Variants in PALLD observed in about 807,000 individuals in gnomAD.
PALLD encodes the protein palladin.
A neutral mutation model predicts 123.5 loss-of-function variants in PALLD; 61 were observed. That is an observed-to-expected ratio of 0.49 (90% CI 0.40 to 0.61). The LOEUF (loss-of-function observed/expected upper bound fraction) is 0.61, where lower values mean the gene tolerates loss of function less well. PALLD is among the 20% of genes least tolerant of loss of function. The pLI is 0.00. For missense variants in PALLD, 1,273 were observed against 1,377.0 expected (o/e 0.92, Z 1.20); for synonymous variants, 465 against 496.4 (o/e 0.94, Z 0.84).
chr4:168,611,468 CTCT>C (rs1411315828), intron 2 of PALLD, among the ~76,000 whole-genome samples: 1 of 152,214 alleles, frequency 6.6e-6, no homozygotes, highest in Non-Finnish European at 1.5e-5. Flanking sequence ...GCACCTTCCT[CTCT>C]TCTTCTTGTT....
intron 10 of PALLD, among the ~76,000 whole-genome samples, chr4:168,794,457 C>T (rs563380037): frequency 1.3e-4 from 20 of 150,036 alleles, no homozygotes; most frequent in East Asian, 3.9e-4. Context: ...ATACGCGCAG[C>T]GCACAGACGT....
At chr4:168,853,823 A>G (rs186061740) in intron 10 of PALLD, among the ~76,000 whole-genome samples, 108 of 152,320 alleles carry the variant, frequency 7.1e-4, no homozygotes, top group African/African-American at 2.5e-3. Context: ...AACTGGCTGC[A>G]TGGAAGAGAA....
At chr4:168,503,644 CT>C (rs1171853068) in intron 1 of PALLD, among the ~76,000 whole-genome samples, 1 of 105,268 alleles carries the variant, frequency 9.5e-6, no homozygotes, top group African/African-American at 4.8e-5. Context: ...GAGACTCCAT[CT>C]CAAAAAAAAA....
intron 10 of PALLD, among the ~76,000 whole-genome samples, chr4:168,753,021 A>T (rs1426318005): frequency 6.6e-6 from 1 of 152,192 alleles, no homozygotes; most frequent in Non-Finnish European, 1.5e-5. Flanking sequence ...AACTATATTA[A>T]GAGTACATTT....
Position 168,898,510 on chromosome 4 carries a change from C to T in PALLD, c.2268C>T (p.Ser756=), listed in dbSNP as rs931772731. ...TGATTCAGGAATACAAAGTCTCCAG[C>T]TGTGAACAGAGACTCATCAGTGAAA... is the stretch of plus-strand genomic sequence containing the variant. ...LDGQKEYKVS[S]CEQRLISEIE... Residue 756 remains serine (S), a synonymous_variant, in exon 14 of 22, where the codon AGC becomes AGT. Coordinates refer to ENST00000505667, the MANE Select transcript of PALLD (RefSeq NM_001166108.2). 21 of 1,611,112 alleles carry T rather than the reference C, an allele frequency of 1.3e-5. No individual in the cohort carries two copies. The highest frequency in any genetic ancestry group is 1.5e-5 in the Non-Finnish European group (18 of 1,177,400).
chr4:168,925,139 T>C, intron 20 of PALLD, 61 bp downstream of exon 20: 1 of 1,597,992 alleles, frequency 6.3e-7, no homozygotes, highest in Non-Finnish European at 8.6e-7. Context: ...AAATTAGACA[T>C]CTGGACAGCA....
At position 168,869,303 on chromosome 4, in the gene PALLD, G is replaced by C. The variant is rs919897710; in HGVS notation, c.1965-21619G>C. Among the ~76,000 whole-genome samples the C allele has an allele frequency of 1.3e-4, 20 of 152,140 alleles. No individual in the cohort carries two copies. Among genetic ancestry groups the C allele is most frequent in the African/African-American group, 4.8e-4 (20 of 41,418 alleles). On this transcript the variant is annotated intron_variant, in intron 10 of 21. Transcript: ENST00000505667. The surrounding 1 kb of genome is among the most constrained non-coding windows in gnomAD (Gnocchi z 4.5). Reference sequence around the variant, plus strand: ...AAGAAGATAGAACACATCTGGCTCTGGGCGATCTGGGCTGGTGTGTGAGAT... The same window carrying C: ...AAGAAGATAGAACACATCTGGCTCTCGGCGATCTGGGCTGGTGTGTGAGAT...
chr4:168,584,691 A>G (rs1028501088), intron 2 of PALLD, among the ~76,000 whole-genome samples: 11 of 152,246 alleles, frequency 7.2e-5, no homozygotes, highest in African/African-American at 2.7e-4. Flanking sequence ...TCCAAAAATG[A>G]GTAAACTTTA....
At chr4:168,922,096 TATATATACACACACACACAC>T (rs1280413733) in intron 18 of PALLD, among the ~76,000 whole-genome samples, 3 of 104,890 alleles carry the variant, frequency 2.9e-5, no homozygotes, top group African/African-American at 9.6e-5. Flanking sequence ...TATATATATA[TATATATACACACACACACAC>T]ACACACACAC....
At chr4:168,647,997 C>T (rs867658982) in intron 2 of PALLD, 2 of 152,058 alleles carry the variant, frequency 1.3e-5, no homozygotes, top group Non-Finnish European at 2.9e-5. Context: ...CATCATCTCT[C>T]CTTTTTCCGC....
intron 5 of PALLD, among the ~76,000 whole-genome samples, chr4:168,683,373 G>C (rs1174294463): frequency 6.6e-6 from 1 of 152,122 alleles, no homozygotes; most frequent in Non-Finnish European, 1.5e-5. Flanking sequence ...TGATAAACTG[G>C]TGTCTGTTTT....
At chr4:168,894,536 A>AT (rs769876532) in intron 11 of PALLD, 43 bp from the exon 12 acceptor site, 4 of 1,310,176 alleles carry the variant, frequency 3.1e-6, no homozygotes, top group South Asian at 2.4e-5. Context: ...CATATTTGTG[A>AT]TTTTTTTCTA....
At chr4:168,759,191 AAAAAAAAAAAAATATATATATATATAT>A (rs1486069526) in intron 10 of PALLD, among the ~76,000 whole-genome samples, 13 of 29,548 alleles carry the variant, frequency 4.4e-4, no homozygotes, top group Non-Finnish European at 8.8e-4. Flanking sequence ...AAAAAAAAAA[AAAAAAAAAAAAATATATATATATATAT>A]ATATATATAT....
chr4:168,626,107 CA>C (rs35368159), intron 2 of PALLD, among the ~76,000 whole-genome samples: 2 of 145,956 alleles, frequency 1.4e-5, no homozygotes, highest in Non-Finnish European at 1.5e-5. Context: ...ACTAAAAATA[CA>C]AAAAAAAATT....
intron 2 of PALLD, among the ~76,000 whole-genome samples, chr4:168,556,164 C>A (rs1257007790): frequency 2.6e-5 from 4 of 151,934 alleles, no homozygotes; most frequent in Middle Eastern, 3.4e-3. Context: ...GGCGCAATCT[C>A]GGCTCACTGC....
intron 15 of PALLD, among the ~76,000 whole-genome samples, chr4:168,907,600 G>A (rs559288877): frequency 2.6e-5 from 4 of 152,278 alleles, no homozygotes; most frequent in East Asian, 3.9e-4. Flanking sequence ...AGCACCCTCA[G>A]GGCCAAGAGA....
rs527305223 is a variant in PALLD, at chr4:168,516,225, T to C, written c.908+3813T>C. On this transcript the variant is annotated intron_variant, in intron 2 of 21. Transcript: ENST00000505667. ...ATGATATGCAAATTATATTAACAATTTGAATTACTACATTAAATGAAATCA... is the reference window on the plus strand; with the variant it reads ...ATGATATGCAAATTATATTAACAATCTGAATTACTACATTAAATGAAATCA... Among the ~76,000 whole-genome samples, 3 of 152,342 alleles carry C rather than the reference T, an allele frequency of 2.0e-5. No individual in the cohort carries two copies. The South Asian group carries it at 6.2e-4, about 32-fold the overall frequency.
intron 2 of PALLD, among the ~76,000 whole-genome samples, chr4:168,625,502 G>T (rs10015171): frequency 0.053 from 6,010 of 114,416 alleles, 686 homozygotes; most frequent in African/African-American, 0.19. Context: ...ATATCCAGGA[G>T]ATATATATAT....
chr4:168,630,646 T>G (rs1235536127), intron 2 of PALLD, among the ~76,000 whole-genome samples: 2 of 152,238 alleles, frequency 1.3e-5, no homozygotes, highest in Non-Finnish European at 2.9e-5. Context: ...TGTCACATCT[T>G]TGATATTTCA....
Sources: gnomAD v4.1 joint callset for allele counts (sites outside exome capture counted in the v4.1 genomes callset) on GRCh38, gnomAD v4.1.1 for gene constraint, Gnocchi (gnomAD v3.1) non-coding constraint, MANE v1.5 for transcripts, NCBI Gene and HGNC (gene_info 2026-07-23, HGNC 2026-07-21) for gene names.